The following COL5A2 variants were observed in gnomAD, a reference collection of about 807,000 sequenced individuals.
COL5A2 encodes the protein collagen type V alpha 2 chain.
Under a neutral mutation model 208.2 loss-of-function variants are expected in COL5A2, and 23 were observed. The ratio of observed to expected loss-of-function variants is 0.11; its 90% CI spans 0.08 to 0.16. The LOEUF is 0.16. Ranked by LOEUF, COL5A2 falls within the 10% of genes least tolerant of loss-of-function variation. The pLI is 1.00. For synonymous variants in COL5A2, 625 were observed against 628.5 expected, an observed-to-expected ratio of 0.99 and a Z score of 0.08; for missense variants, 1,590 against 1,956.4, an observed-to-expected ratio of 0.81 and a Z score of 3.53.
the COL5A2 span, among the ~76,000 whole-genome samples, chr2:189,237,238 C>T: frequency 6.6e-6 from 1 of 151,596 alleles, no homozygotes; most frequent in South Asian, 2.1e-4. Context: ...AACACTATTT[C>T]CTCCACCATA....
intron 31 of COL5A2, among the ~76,000 whole-genome samples, chr2:189,059,585 G>GTTTTGTTTTTTTTTTTTTTTTT (rs1685978894): frequency 3.5e-5 from 1 of 28,594 alleles, no homozygotes. Flanking sequence ...TTCTTTTCTG[G>GTTTTGTTTTTTTTTTTTTTTTT]TTTTTTTTTT....
intron 2 of COL5A2, among the ~76,000 whole-genome samples, chr2:189,108,419 T>C (rs1285219799): frequency 6.6e-6 from 1 of 151,874 alleles, no homozygotes; most frequent in Non-Finnish European, 1.5e-5. Flanking sequence ...AAGAAATATG[T>C]ATATATTGCT....
chr2:189,092,346 T>C lies in COL5A2; in HGVS notation c.531A>G (p.Gly177=). ...CATCGGGTCCTGGGTGGGACGGATG[T>C]CCAGGAGGTCCTGGAGCACCAGGTT... The part of the protein sequence containing the change: ...PGQPGAPGPP[G]HPSHPGPDGL... Residue 177 remains glycine, a synonymous_variant, in exon 7 of 54, where the codon GGA becomes GGG. Transcript: ENST00000374866. 6.2e-7 allele frequency: 1 copy of C among 1,609,916 alleles called. No individual in the cohort carries two copies. The highest frequency in any genetic ancestry group is 1.1e-5 in the South Asian group (1 of 89,866).
the COL5A2 span, among the ~76,000 whole-genome samples, chr2:189,298,596 G>GTA: frequency 9.2e-5 from 14 of 152,242 alleles, no homozygotes; most frequent in African/African-American, 3.4e-4. Flanking sequence ...ATCTCTTATT[G>GTA]TATTCTCATT....
At chr2:189,119,504 T>A (rs1398080716) in intron 1 of COL5A2, among the ~76,000 whole-genome samples, 7 of 152,118 alleles carry the variant, frequency 4.6e-5, no homozygotes, top group Non-Finnish European at 8.8e-5. Context: ...ATGGGCAAAC[T>A]TTATTAGAAT....
the COL5A2 span, among the ~76,000 whole-genome samples, chr2:189,261,172 C>T: frequency 3.3e-5 from 5 of 152,036 alleles, no homozygotes; most frequent in Non-Finnish European, 1.5e-5. Flanking sequence ...TTCCATTCAG[C>T]ATCTTTAGTG....
At chr2:189,256,818 C>A in the COL5A2 span, among the ~76,000 whole-genome samples, 2 of 152,120 alleles carry the variant, frequency 1.3e-5, no homozygotes, top group African/African-American at 4.8e-5. Flanking sequence ...TTAGTAGAGA[C>A]AGGGTTTCAC....
At chr2:189,409,297 G>A in the COL5A2 span, among the ~76,000 whole-genome samples, 2 of 137,728 alleles carry the variant, frequency 1.5e-5, no homozygotes, top group Non-Finnish European at 3.0e-5. Context: ...TTGCAGCCTC[G>A]AATTCTTGAG....
chr2:189,161,537 T>C (rs1318613108), intron 1 of COL5A2, among the ~76,000 whole-genome samples: 3 of 152,212 alleles, frequency 2.0e-5, no homozygotes, highest in African/African-American at 7.2e-5. Context: ...TGGTTCCATG[T>C]TTTTAAGCTC....
chr2:189,054,295 A>C, intron 35 of COL5A2, 83 bp from the exon 36 acceptor site: 1 of 1,009,812 alleles, frequency 9.9e-7, no homozygotes, highest in Non-Finnish European at 1.6e-6. Flanking sequence ...AACAAAAAAG[A>C]AACGACTATT....
chr2:189,177,888 A>G lies in COL5A2; in HGVS notation c.97+1620T>C, dbSNP rs563533027. Among the ~76,000 whole-genome samples, 4 of 152,302 alleles carry G rather than the reference A, an allele frequency of 2.6e-5. No individual in the cohort carries two copies. The South Asian group carries it at 8.3e-4, about 32-fold the overall frequency. ...TTTATTCACATATTCAATTATTTCC[A>G]TACTTTATTAAAGTACTTTATTCAT... On this transcript the variant is annotated intron_variant, in intron 1 of 53. Transcript: ENST00000374866.
At chr2:189,134,610 C>T (rs139735878) in intron 1 of COL5A2, among the ~76,000 whole-genome samples, 2 of 152,170 alleles carry the variant, frequency 1.3e-5, no homozygotes, top group East Asian at 1.9e-4. Context: ...TTAGAAAGTA[C>T]ATCATTGTCA....
chr2:189,410,924 A>G, the COL5A2 span, among the ~76,000 whole-genome samples: 1 of 152,166 alleles, frequency 6.6e-6, no homozygotes, highest in Non-Finnish European at 1.5e-5. Flanking sequence ...TTAACTTTAA[A>G]TTAAAGAAAA....
intron 17 of COL5A2, among the ~76,000 whole-genome samples, chr2:189,073,486 T>C (rs2105617374): frequency 6.6e-6 from 1 of 152,314 alleles, no homozygotes; most frequent in Admixed American, 6.5e-5. Context: ...TAAAAAATAC[T>C]GATTTCTGAG....
the COL5A2 span, among the ~76,000 whole-genome samples, chr2:189,322,623 C>G: frequency 6.6e-6 from 1 of 152,092 alleles, no homozygotes; most frequent in African/African-American, 2.4e-5. Context: ...CAAGACTAAA[C>G]CAGGAAGAAG....
chr2:189,207,298 T>C (rs1395081050), intron 1 of COL5A2, among the ~76,000 whole-genome samples: 3 of 152,190 alleles, frequency 2.0e-5, no homozygotes, highest in African/African-American at 7.2e-5. Flanking sequence ...TTTTTAACTT[T>C]TACTAAACAA....
intron 1 of COL5A2, among the ~76,000 whole-genome samples, chr2:189,201,707 A>G (rs1689069679): frequency 6.6e-6 from 1 of 152,036 alleles, no homozygotes; most frequent in Admixed American, 6.5e-5. Context: ...AGCATTACAA[A>G]AACAGCATGA....
At chr2:189,404,516 C>T in the COL5A2 span, among the ~76,000 whole-genome samples, 1 of 152,152 alleles carries the variant, frequency 6.6e-6, no homozygotes, top group Non-Finnish European at 1.5e-5. Context: ...CCATTCGCTC[C>T]CCTGGTTATA....
At chr2:189,120,979 G>GT (rs1336428594) in intron 1 of COL5A2, among the ~76,000 whole-genome samples, 2 of 152,174 alleles carry the variant, frequency 1.3e-5, no homozygotes, top group Non-Finnish European at 2.9e-5. Context: ...TGGGAATACA[G>GT]TTAAAGTAAT....
Sources: allele counts gnomAD v4.1 joint callset (sites outside exome capture counted in the v4.1 genomes callset), GRCh38; gene constraint gnomAD v4.1.1; transcripts MANE v1.5; gene names NCBI Gene and HGNC (gene_info 2026-07-23, HGNC 2026-07-21).